Variants in TMEM108 observed in about 807,000 individuals in gnomAD.
TMEM108 encodes transmembrane protein 108.
In TMEM108, 12 loss-of-function variants were observed where a neutral mutation model predicts 35.1. The ratio of observed to expected loss-of-function variants is 0.34; its 90% confidence interval spans 0.22 to 0.55. The LOEUF (loss-of-function observed/expected upper bound fraction) is 0.55, where lower values mean the gene tolerates loss of function less well. Among genes scored for constraint, TMEM108 ranks in the 20% least tolerant of loss-of-function variants. TMEM108 has a pLI of 0.89. For synonymous variants in TMEM108, 287 were observed against 308.6 expected, an observed-to-expected ratio of 0.93 and a Z score of 0.73; for missense variants, 680 against 753.3, an observed-to-expected ratio of 0.90 and a Z score of 1.14.
At chr3:133,159,325 C>G (rs995566216) in intron 2 of TMEM108, among the ~76,000 whole-genome samples, 1 of 152,146 alleles carries the variant, frequency 6.6e-6, no homozygotes, top group Non-Finnish European at 1.5e-5. Context: ...GGCCCATTCC[C>G]CTGGAATTTA....
intron 3 of TMEM108, among the ~76,000 whole-genome samples, chr3:133,258,281 C>T (rs556049507): frequency 5.3e-5 from 8 of 152,292 alleles, no homozygotes; most frequent in African/African-American, 1.4e-4. Context: ...TTGGGCTTCT[C>T]AGCTTCCAAA....
At chr3:133,226,426 T>TG (rs1576395314) in intron 2 of TMEM108, among the ~76,000 whole-genome samples, 1 of 152,210 alleles carries the variant, frequency 6.6e-6, no homozygotes, top group East Asian at 1.9e-4. Flanking sequence ...TAAAATACTT[T>TG]GATATTTTTC....
rs576660215 is a variant in TMEM108, at chr3:133,168,343, C to T, written c.-46-60923C>T. Among the ~76,000 whole-genome samples, 27 of 152,142 alleles carry T rather than the reference C, an allele frequency of 1.8e-4. No homozygotes were observed. In the South Asian group the frequency reaches 3.3e-3, roughly 19 times the overall value. On this transcript the variant is annotated intron_variant, in intron 2 of 5. Coordinates refer to ENST00000321871, the MANE Select transcript of TMEM108 (RefSeq NM_023943.4). ...CTGAGAAGTCTAAAGTTAAGGGGCTCACATCTAGTGAGGGCCTTCTTGCTA... is the reference window on the plus strand; with the variant it reads ...CTGAGAAGTCTAAAGTTAAGGGGCTTACATCTAGTGAGGGCCTTCTTGCTA...
intron 2 of TMEM108, among the ~76,000 whole-genome samples, chr3:133,133,900 A>G (rs1944527323): frequency 6.6e-6 from 1 of 151,552 alleles, no homozygotes; most frequent in East Asian, 1.9e-4. Flanking sequence ...AGTAGCTGGG[A>G]CTATAGTCAC....
chr3:133,226,534 T>C (rs972731265), intron 2 of TMEM108, among the ~76,000 whole-genome samples: 2 of 152,186 alleles, frequency 1.3e-5, no homozygotes, highest in South Asian at 2.1e-4. Context: ...CTAAGATCAC[T>C]GTTTTAATGT....
chr3:133,184,529 A>G (rs1945392755), intron 2 of TMEM108, among the ~76,000 whole-genome samples: 1 of 152,162 alleles, frequency 6.6e-6, no homozygotes, highest in African/African-American at 2.4e-5. Context: ...AATTTTTTTT[A>G]CCATTGCCTT....
At chr3:133,084,808 T>C (rs1943860573) in intron 2 of TMEM108, among the ~76,000 whole-genome samples, 1 of 152,176 alleles carries the variant, frequency 6.6e-6, no homozygotes, top group Admixed American at 6.5e-5. Flanking sequence ...AGATAGAAGT[T>C]CAAATATTCG....
At chr3:133,201,190 A>G (rs943212478) in intron 2 of TMEM108, among the ~76,000 whole-genome samples, 6 of 152,226 alleles carry the variant, frequency 3.9e-5, no homozygotes, top group Admixed American at 2.6e-4. Context: ...TTAAGCCTGG[A>G]AACAGATGGC....
At chr3:133,318,778 C>T (rs1038515233) in intron 3 of TMEM108, among the ~76,000 whole-genome samples, 2 of 152,160 alleles carry the variant, frequency 1.3e-5, no homozygotes, top group African/African-American at 4.8e-5. Flanking sequence ...GACTGACATG[C>T]AGCTCCCATT....
Position 133,346,124 on chromosome 3 carries a change from T to G in TMEM108, c.41-33628T>G, listed in dbSNP as rs957439034. Among the ~76,000 whole-genome samples, 29 of 151,992 alleles carry G rather than the reference T, an allele frequency of 1.9e-4. No homozygotes were observed. Among genetic ancestry groups the G allele is most frequent in the African/African-American group, 6.8e-4 (28 of 41,456 alleles). ...TCATGTGTAGGATTCTGTGTGAACT[T>G]AAATTTTCAATTCATTTAGGTAAAT... On this transcript the variant is annotated intron_variant, in intron 3 of 5. Coordinates refer to ENST00000321871, the MANE Select transcript of TMEM108 (RefSeq NM_023943.4). The surrounding 1 kb of genome is among the most constrained non-coding windows in gnomAD (Gnocchi z 4.0).
At chr3:133,309,702 T>C (rs1383605282) in intron 3 of TMEM108, among the ~76,000 whole-genome samples, 528 of 91,086 alleles carry the variant, frequency 5.8e-3, no homozygotes, top group Non-Finnish European at 7.5e-3. Flanking sequence ...TTTTTTTTTT[T>C]TTTTTTTTTT....
intron 2 of TMEM108, among the ~76,000 whole-genome samples, chr3:133,059,755 G>T (rs1397867044): frequency 1.3e-5 from 2 of 152,104 alleles, no homozygotes; most frequent in Admixed American, 6.5e-5. Context: ...AAAAATCATT[G>T]TTTTTGTTAA....
At chr3:133,103,664 C>T (rs1018225474) in intron 2 of TMEM108, among the ~76,000 whole-genome samples, 6 of 152,154 alleles carry the variant, frequency 3.9e-5, no homozygotes, top group African/African-American at 1.4e-4. Context: ...CTTCCATAAA[C>T]ACCCCTCCAT....
At chr3:133,153,938 AAAACTTTGTATTTGTAAATG>A (rs1944838640) in intron 2 of TMEM108, among the ~76,000 whole-genome samples, 1 of 152,182 alleles carries the variant, frequency 6.6e-6, no homozygotes, top group Non-Finnish European at 1.5e-5. Flanking sequence ...TTACAAATAC[AAAACTTTGTATTTGTAAATG>A]AAGGTGGTAT....
In TMEM108 at chr3:133,323,341, A is replaced by G. The variant is rs1448100069; in HGVS notation, c.41-56411A>G. ...TGAATTCAGTAAAGTTTCAGAATAC[A>G]AAATCAATGTACACAAATCAGTAGC... On this transcript the variant is annotated intron_variant, in intron 3 of 5. Transcript: ENST00000321871. Among the ~76,000 whole-genome samples the G allele has an allele frequency of 5.9e-5, 9 of 152,232 alleles. 1 individual carries two copies. Among genetic ancestry groups the G allele is most frequent in the Admixed American group, 5.9e-4 (9 of 15,282 alleles).
intron 2 of TMEM108, among the ~76,000 whole-genome samples, chr3:133,121,504 A>T (rs1944351781): frequency 1.3e-5 from 2 of 152,232 alleles, no homozygotes; most frequent in Non-Finnish European, 2.9e-5. Flanking sequence ...CCACACATTT[A>T]TCTGTCATTT....
chr3:133,228,327 A>C (rs558171285), intron 2 of TMEM108, among the ~76,000 whole-genome samples: 1 of 152,354 alleles, frequency 6.6e-6, no homozygotes, highest in Admixed American at 6.5e-5. Flanking sequence ...AATAAACATA[A>C]AATGCAAATT....
At chr3:133,365,623 T>A (rs2072481496) in intron 3 of TMEM108, among the ~76,000 whole-genome samples, 1 of 152,156 alleles carries the variant, frequency 6.6e-6, no homozygotes, top group Non-Finnish European at 1.5e-5. Context: ...AGAGACAACA[T>A]CCCCAAGTTG....
At chr3:133,061,448 C>T (rs1576297794) in intron 2 of TMEM108, among the ~76,000 whole-genome samples, 1 of 152,064 alleles carries the variant, frequency 6.6e-6, no homozygotes, top group Non-Finnish European at 1.5e-5. Flanking sequence ...CTCCTGACCT[C>T]GTGATCCTCC....
Sources: gnomAD v4.1 joint callset for allele counts (sites outside exome capture counted in the v4.1 genomes callset) on GRCh38, gnomAD v4.1.1 for gene constraint, Gnocchi (gnomAD v3.1) non-coding constraint, MANE v1.5 for transcripts, NCBI Gene and HGNC (gene_info 2026-07-23, HGNC 2026-07-21) for gene names.